LRRC7: variants seen among roughly 807,000 people sequenced by gnomAD.
The protein encoded by LRRC7 is leucine rich repeat containing 7, also known as leucine-rich repeat-containing protein 7.
LRRC7 carries 23 observed loss-of-function variants against 175.7 expected under a neutral mutation model. The ratio of observed to expected loss-of-function variants is 0.13; its 90% CI spans 0.09 to 0.19. The LOEUF (loss-of-function observed/expected upper bound fraction) is 0.19. Among genes scored for constraint, LRRC7 ranks in the 10% least tolerant of loss-of-function variants. The pLI, the probability that LRRC7 is intolerant of heterozygous loss-of-function variation, is 1.00. For synonymous variants in LRRC7, 685 were observed against 680.9 expected, an observed-to-expected ratio of 1.01 and a Z score of -0.09; for missense variants, 1,354 against 1,904.7, an observed-to-expected ratio of 0.71 and a Z score of 5.38.
At chr1:69,767,138 T>G (rs1166821498) in intron 3 of LRRC7, among the ~76,000 whole-genome samples, 1 of 152,176 alleles carries the variant, frequency 6.6e-6, no homozygotes, top group African/African-American at 2.4e-5. Flanking sequence ...TGGGTCCTTT[T>G]GTGACTGTCT....
intron 1 of LRRC7, among the ~76,000 whole-genome samples, chr1:69,574,833 C>T (rs572764191): frequency 1.9e-4 from 29 of 151,868 alleles, no homozygotes; most frequent in African/African-American, 6.5e-4. Flanking sequence ...CAGTGTAATT[C>T]AAGACATGAA....
intron 7 of LRRC7, among the ~76,000 whole-genome samples, chr1:69,870,448 T>A (rs1054234958): frequency 6.6e-6 from 1 of 152,058 alleles, no homozygotes; most frequent in African/African-American, 2.4e-5. Flanking sequence ...CCTGAGTAGA[T>A]GGACTCCTTC....
chr1:69,934,504 GC>G (rs150767837), intron 8 of LRRC7, among the ~76,000 whole-genome samples: 5,053 of 60,958 alleles, frequency 0.083, 16 homozygotes, highest in East Asian at 0.15. Flanking sequence ...CGGGGGGGGG[GC>G]GGGGGGTGGG....
chr1:70,133,185 G>C lies in LRRC7; in HGVS notation c.*11298G>C, dbSNP rs1666743789. Among the ~76,000 whole-genome samples, 1 of 151,898 alleles carries C rather than the reference G, an allele frequency of 6.6e-6. No homozygotes were observed. Among genetic ancestry groups the C allele is most frequent in the Non-Finnish European group, 1.5e-5 (1 of 67,996 alleles). On this transcript the variant is annotated 3_prime_UTR_variant, in exon 27 of 27. Coordinates refer to ENST00000651989, the MANE Select transcript of LRRC7 (RefSeq NM_001370785.2). ...CCAGCCTTGGCAATTCTCTGGCTTG[G>C]GGGAGCACAGTCCGATTTTTGTTGT...
intron 1 of LRRC7, among the ~76,000 whole-genome samples, chr1:69,668,287 C>T (rs1027139394): frequency 6.6e-6 from 1 of 151,776 alleles, no homozygotes; most frequent in Admixed American, 6.6e-5. Context: ...TAATGCTATC[C>T]CTCCCCTAGC....
intron 1 of LRRC7, among the ~76,000 whole-genome samples, chr1:69,579,758 C>T (rs1218017413): frequency 6.7e-6 from 1 of 149,480 alleles, no homozygotes; most frequent in African/African-American, 2.5e-5. Context: ...AGCCATATGA[C>T]TTGCTAAGGT....
intron 20 of LRRC7, among the ~76,000 whole-genome samples, chr1:70,037,168 TCAATAAGG>T (rs1659396966): frequency 6.6e-6 from 1 of 152,196 alleles, no homozygotes; most frequent in African/African-American, 2.4e-5. Context: ...ATAAAGTGAC[TCAATAAGG>T]CAATGTTTTC....
chr1:69,984,602 C>G (rs1421805655), intron 9 of LRRC7, among the ~76,000 whole-genome samples: 1 of 152,138 alleles, frequency 6.6e-6, no homozygotes, highest in Non-Finnish European at 1.5e-5. Flanking sequence ...ACTCCTTGCC[C>G]AAGATATGGG....
chr1:69,870,060 G>A (rs967166673), intron 7 of LRRC7, among the ~76,000 whole-genome samples: 3 of 152,070 alleles, frequency 2.0e-5, no homozygotes, highest in African/African-American at 4.8e-5. Flanking sequence ...TTCATCTTAC[G>A]TTACCAAAGC....
chr1:70,042,355 C>G (rs1659980230), intron 21 of LRRC7, among the ~76,000 whole-genome samples: 1 of 152,102 alleles, frequency 6.6e-6, no homozygotes, highest in South Asian at 2.1e-4. Flanking sequence ...TGCTTCTTTC[C>G]CAGTGAAATT....
intron 2 of LRRC7, among the ~76,000 whole-genome samples, chr1:69,687,552 G>GAAAAAAAAAAA (rs1557601163): frequency 2.3e-5 from 3 of 130,626 alleles, no homozygotes; most frequent in Non-Finnish European, 4.9e-5. Flanking sequence ...AAAAGAAAAA[G>GAAAAAAAAAAA]AAAAGAAAAA....
intron 2 of LRRC7, among the ~76,000 whole-genome samples, chr1:69,726,202 A>G (rs997610298): frequency 1.3e-5 from 2 of 152,194 alleles, no homozygotes; most frequent in Non-Finnish European, 2.9e-5. Flanking sequence ...TTTGACAGTT[A>G]CCCTGGTTAC....
chr1:69,714,255 A>T (rs1665098483), intron 2 of LRRC7, among the ~76,000 whole-genome samples: 1 of 152,198 alleles, frequency 6.6e-6, no homozygotes. Flanking sequence ...TTTCTTACCA[A>T]CAAAAATTTG....
At chr1:69,979,001 T>C (rs184183738) in intron 8 of LRRC7, among the ~76,000 whole-genome samples, 64 of 152,118 alleles carry the variant, frequency 4.2e-4, no homozygotes, top group Non-Finnish European at 6.8e-4. Context: ...ATCTATCCTT[T>C]AGCTCCACTT....
chr1:69,772,957 C>T (rs754858547), intron 3 of LRRC7, among the ~76,000 whole-genome samples: 13 of 152,068 alleles, frequency 8.5e-5, no homozygotes, highest in East Asian at 1.9e-4. Context: ...TTTGCTAGTA[C>T]GGAAGTCGTT....
intron 7 of LRRC7, chr1:69,919,789 C>A (rs1171144723): frequency 6.9e-6 from 6 of 867,688 alleles, no homozygotes; most frequent in Non-Finnish European, 1.1e-5. Context: ...GGGAGATGAG[C>A]GGGACAGTGT....
In LRRC7 at chr1:70,038,421, A is replaced by G; in HGVS notation, c.2597A>G (p.His866Arg). Reference protein sequence around the residue: ...GVPLELEQSTHRHTPETEVPP... With the variant: ...GVPLELEQSTRRHTPETEVPP... ...CCCCTGGAACTCGAGCAGTCTACAC[A>G]CAGACACACACCAGAAACAGAAGTG... The change falls in exon 21 of 27, where the codon CAC becomes CGC. Residue 866 changes from histidine to arginine, a missense_variant. Around this residue, in one of 4 missense-constraint regions of LRRC7, gnomAD observed 1,032 missense variants for 1,227.2 expected, o/e 0.84. Transcript: ENST00000651989. The G allele has an allele frequency of 6.2e-7, 1 of 1,614,142 alleles. No homozygotes were observed. Among genetic ancestry groups the G allele is most frequent in the South Asian group, 1.1e-5 (1 of 91,090 alleles).
At chr1:70,026,962 A>T (rs538709543) in intron 17 of LRRC7, among the ~76,000 whole-genome samples, 1 of 152,252 alleles carries the variant, frequency 6.6e-6, no homozygotes, top group South Asian at 2.1e-4. Context: ...TTTCAGATCT[A>T]TATCACCATC....
At chr1:69,950,015 AT>A (rs11314218) in intron 8 of LRRC7, among the ~76,000 whole-genome samples, 9,894 of 151,206 alleles carry the variant, frequency 0.065, 664 homozygotes, top group African/African-American at 0.17. Context: ...TAGCAGCAGC[AT>A]TTTTTTTCTT....
Sources: gnomAD v4.1 joint callset for allele counts (sites outside exome capture counted in the v4.1 genomes callset) on GRCh38, gnomAD v4.1.1 for gene constraint, gnomAD v4.1.1 regional missense constraint, MANE v1.5 for transcripts, NCBI Gene and HGNC (gene_info 2026-07-23, HGNC 2026-07-21) for gene names.